CACNA2D2: variants seen among roughly 807,000 people sequenced by gnomAD.
CACNA2D2 encodes calcium voltage-gated channel auxiliary subunit alpha2delta 2, also known as voltage-dependent calcium channel subunit alpha-2/delta-2.
A neutral mutation model predicts 166.4 loss-of-function variants in CACNA2D2; 48 were observed. The ratio of observed to expected loss-of-function variants is 0.29; its 90% CI spans 0.23 to 0.37. CACNA2D2 has a LOEUF of 0.37. CACNA2D2 is among the 10% of genes least tolerant of loss of function. The pLI, the probability that CACNA2D2 is intolerant of heterozygous loss-of-function variation, is 1.00. For synonymous variants in CACNA2D2, 561 were observed against 573.7 expected (o/e 0.98, Z 0.32); for missense variants, 1,122 against 1,433.0 (o/e 0.78, Z 3.50).
chr3:50,430,850 C>A (rs1485816818), intron 3 of CACNA2D2, among the ~76,000 whole-genome samples: 1 of 152,178 alleles, frequency 6.6e-6, no homozygotes, highest in South Asian at 2.1e-4. Context: ...AAGACAGGTA[C>A]CCCTCCATGT....
chr3:50,382,999 C>G (rs895430953), intron 6 of CACNA2D2, among the ~76,000 whole-genome samples: 2 of 152,276 alleles, frequency 1.3e-5, no homozygotes, highest in Non-Finnish European at 2.9e-5. Context: ...CACATACTCT[C>G]AGATCATGCT....
chr3:50,419,138 C>T (rs907184567), intron 3 of CACNA2D2, among the ~76,000 whole-genome samples: 2 of 152,134 alleles, frequency 1.3e-5, no homozygotes, highest in African/African-American at 4.8e-5. Flanking sequence ...GGCGGAGCCA[C>T]GGAAAGAGGC....
intron 3 of CACNA2D2, among the ~76,000 whole-genome samples, chr3:50,407,260 G>A (rs1000748399): frequency 4.6e-5 from 7 of 151,848 alleles, no homozygotes; most frequent in Non-Finnish European, 5.9e-5. Flanking sequence ...GCCTGGACCT[G>A]TACTGAGGCA....
intron 1 of CACNA2D2, among the ~76,000 whole-genome samples, chr3:50,490,219 A>G (rs1192007399): frequency 6.6e-6 from 1 of 152,158 alleles, no homozygotes; most frequent in Non-Finnish European, 1.5e-5. Flanking sequence ...CTGCATGCAC[A>G]GGCATTTGGG....
At chr3:50,404,705 C>A (rs1338438646) in intron 3 of CACNA2D2, among the ~76,000 whole-genome samples, 1 of 152,212 alleles carries the variant, frequency 6.6e-6, no homozygotes. Flanking sequence ...CTACTGTGTG[C>A]AGTAAACTGG....
intron 2 of CACNA2D2, among the ~76,000 whole-genome samples, chr3:50,463,523 G>A (rs1431040312): frequency 6.6e-6 from 1 of 152,140 alleles, no homozygotes; most frequent in African/African-American, 2.4e-5. Flanking sequence ...GTCTCCCCCA[G>A]AGTCTATGCA....
chr3:50,463,768 C>G (rs1013165317), intron 2 of CACNA2D2, among the ~76,000 whole-genome samples: 3 of 152,220 alleles, frequency 2.0e-5, no homozygotes, highest in African/African-American at 7.2e-5. Context: ...CAGTGGCCTC[C>G]TTGTATGGGA....
intron 3 of CACNA2D2, among the ~76,000 whole-genome samples, chr3:50,432,554 G>C (rs1424333178): frequency 2.0e-5 from 3 of 152,332 alleles, no homozygotes; most frequent in African/African-American, 7.2e-5. Flanking sequence ...AGGGCATCCA[G>C]GCACGCCCAG....
chr3:50,488,902 C>A (rs1375893501), intron 1 of CACNA2D2, among the ~76,000 whole-genome samples: 1 of 151,962 alleles, frequency 6.6e-6, no homozygotes, highest in African/African-American at 2.4e-5. Flanking sequence ...GGGTTTCACC[C>A]TGTTTGCCAG....
At chr3:50,472,298 G>A (rs1381978589) in intron 2 of CACNA2D2, among the ~76,000 whole-genome samples, 3 of 152,250 alleles carry the variant, frequency 2.0e-5, no homozygotes, top group Non-Finnish European at 4.4e-5. Flanking sequence ...CATGGGTCAC[G>A]CCGTATGCCA....
chr3:50,457,327 C>A (rs1271517405), intron 2 of CACNA2D2, among the ~76,000 whole-genome samples: 2 of 152,212 alleles, frequency 1.3e-5, no homozygotes, highest in African/African-American at 2.4e-5. Flanking sequence ...CCAGCTCACA[C>A]AGTCTCTCGA....
upstream of CACNA2D2, among the ~76,000 whole-genome samples, chr3:50,503,901 T>A (rs1469469173): frequency 1.3e-5 from 2 of 150,030 alleles, no homozygotes; most frequent in Admixed American, 6.6e-5. Context: ...CTGCCGCTCC[T>A]CCCCACCCCA....
intron 2 of CACNA2D2, among the ~76,000 whole-genome samples, chr3:50,470,391 G>A (rs746222999): frequency 2.2e-4 from 34 of 152,172 alleles, no homozygotes; most frequent in Non-Finnish European, 4.4e-4. Context: ...ACATGAGCCA[G>A]GGTCCCTGGG....
chr3:50,501,254 C>T (rs961357858), intron 1 of CACNA2D2, among the ~76,000 whole-genome samples: 1 of 152,176 alleles, frequency 6.6e-6, no homozygotes, highest in Admixed American at 6.5e-5. Flanking sequence ...TTCCTCCCTC[C>T]AAGGATCAAT....
intron 6 of CACNA2D2, 95 bp downstream of exon 6, chr3:50,384,101 T>C: frequency 6.7e-7 from 1 of 1,486,008 alleles, no homozygotes; most frequent in Non-Finnish European, 9.2e-7. Context: ...TAGATGGCAC[T>C]GGCCTTCTGT....
At chr3:50,455,388 G>C (rs1216828124) in intron 2 of CACNA2D2, among the ~76,000 whole-genome samples, 1 of 152,138 alleles carries the variant, frequency 6.6e-6, no homozygotes, top group African/African-American at 2.4e-5. Flanking sequence ...CGTCAAAGCC[G>C]CCAGGACCAG....
At chr3:50,394,298 CGAGACCCTCA>C in intron 3 of CACNA2D2, 130 bp from the exon 4 acceptor site, 2 of 728,500 alleles carry the variant, frequency 2.7e-6, no homozygotes, top group East Asian at 2.7e-5. Flanking sequence ...CCTCATCCTA[CGAGACCCTCA>C]GAGATTCTCT....
chr3:50,494,403 C>T (rs1323581022), intron 1 of CACNA2D2, among the ~76,000 whole-genome samples: 15 of 152,126 alleles, frequency 9.9e-5, no homozygotes, highest in African/African-American at 3.4e-4. Context: ...TGAAATGCCA[C>T]GTCAGGCTGG....
chr3:50,449,774 G>A (rs1709016364), intron 2 of CACNA2D2, among the ~76,000 whole-genome samples: 1 of 152,136 alleles, frequency 6.6e-6, no homozygotes, highest in Admixed American at 6.5e-5. Context: ...GGGGGAGCCT[G>A]TACTCCCAGG....
Sources: gnomAD v4.1 joint callset for allele counts (sites outside exome capture counted in the v4.1 genomes callset) on GRCh38, gnomAD v4.1.1 for gene constraint, MANE v1.5 for transcripts, NCBI Gene and HGNC (gene_info 2026-07-23, HGNC 2026-07-21) for gene names.